Variants in SRP54 observed in about 807,000 individuals in gnomAD.
SRP54 encodes the protein signal recognition particle subunit SRP54.
Under a neutral mutation model 64.8 loss-of-function variants are expected in SRP54, and 10 were observed. That is an observed-to-expected ratio of 0.15 (90% CI 0.10 to 0.26). The LOEUF (loss-of-function observed/expected upper bound fraction) is 0.26. Among genes scored for constraint, SRP54 ranks in the 10% least tolerant of loss-of-function variants. SRP54 has a pLI of 1.00. For missense variants in SRP54, 325 were observed against 613.7 expected, an observed-to-expected ratio of 0.53 and a Z score of 4.97; for synonymous variants, 193 against 185.6, an observed-to-expected ratio of 1.04 and a Z score of -0.32.
At chr14:35,008,202 C>A (rs1034697407) in intron 5 of SRP54, among the ~76,000 whole-genome samples, 1 of 152,158 alleles carries the variant, frequency 6.6e-6, no homozygotes, top group Non-Finnish European at 1.5e-5. Flanking sequence ...TAGCCTTGAC[C>A]GCTTTATGCT....
intron 15 of SRP54, among the ~76,000 whole-genome samples, chr14:35,028,558 C>T (rs1343436765): frequency 6.6e-6 from 1 of 152,100 alleles, no homozygotes; most frequent in Non-Finnish European, 1.5e-5. Flanking sequence ...TCACTTTCCC[C>T]TTCGGTAAAA....
In SRP54 at chr14:35,007,294, T is replaced by C; in HGVS notation, c.267T>C (p.Pro89=). The C allele has an allele frequency of 6.3e-7, 1 of 1,585,686 alleles. No homozygotes were observed. The highest frequency in any genetic ancestry group is 8.6e-7 in the Non-Finnish European group (1 of 1,160,822). The change falls in exon 5 of 16, where the codon CCT becomes CCC. Residue 89 remains proline, a synonymous_variant. Coordinates refer to ENST00000216774, the MANE Select transcript of SRP54 (RefSeq NM_003136.4). ...VFKELVKLVD[P]GVKAWTPTKG... ...TTTTTGGTATTTAGCTTGTAGACCC[T>C]GGAGTTAAGGCATGGACACCCACTA...
Position 35,011,514 on chromosome 14 carries a change from C to G in SRP54, c.491C>G (p.Thr164Arg). Residue 164 changes from threonine (T) to arginine (R), a missense_variant, in exon 8 of 16, where the codon ACA (threonine) becomes AGA (arginine). By Grantham distance (71) the Thr-to-Arg change is moderately conservative (BLOSUM62 -1). Coordinates refer to ENST00000216774, the MANE Select transcript of SRP54 (RefSeq NM_003136.4). The part of the protein sequence containing the change: ...KARIPFYGSY[T>R]EMDPVIIASE... ...CATTTGTCCATGTTATATAGCTATA[C>G]AGAAATGGATCCTGTCATCATTGCT... The G allele has an allele frequency of 6.6e-7, 1 of 1,507,222 alleles. No homozygotes were observed. The highest frequency in any genetic ancestry group is 1.4e-5 in the South Asian group (1 of 71,594). The allele number at this position is 1,507,222 out of a possible 1,614,324, so 93.4% of individuals were successfully genotyped here.
chr14:34,984,820 C>T (rs2043868508), intron 1 of SRP54, among the ~76,000 whole-genome samples: 3 of 152,060 alleles, frequency 2.0e-5, no homozygotes, highest in African/African-American at 4.8e-5. Context: ...ATTCTTTAGC[C>T]TCCATCTCAT....
chr14:35,003,749 C>T (rs2044214616), intron 4 of SRP54, among the ~76,000 whole-genome samples: 1 of 149,892 alleles, frequency 6.7e-6, no homozygotes, highest in South Asian at 2.1e-4. Context: ...GCCTGAGCAA[C>T]ATGGTGAAAC....
chr14:34,997,080 A>C (rs1400580156), intron 2 of SRP54, among the ~76,000 whole-genome samples: 2 of 152,248 alleles, frequency 1.3e-5, no homozygotes, highest in East Asian at 3.9e-4. Flanking sequence ...TAAATCTGGA[A>C]CTGTACTTTT....
intron 1 of SRP54, among the ~76,000 whole-genome samples, chr14:34,992,775 C>G (rs1244466841): frequency 1.1e-4 from 16 of 152,070 alleles, no homozygotes. Context: ...CACATGTACC[C>G]TCTGAATCTA....
chr14:35,023,876 GC>G (rs1239638227), intron 14 of SRP54, among the ~76,000 whole-genome samples: 1 of 151,700 alleles, frequency 6.6e-6, no homozygotes, highest in Non-Finnish European at 1.5e-5. Context: ...CTAATGTAGT[GC>G]CACTTTTTTG....
chr14:35,017,406 T>C (rs934751119), intron 11 of SRP54, among the ~76,000 whole-genome samples: 4 of 152,232 alleles, frequency 2.6e-5, no homozygotes, highest in Non-Finnish European at 4.4e-5. Context: ...GTTTTCAGAC[T>C]CTAAGTTCTA....
At chr14:34,999,470 G>A in intron 2 of SRP54, 88 bp from the exon 3 acceptor site, 1 of 891,656 alleles carries the variant, frequency 1.1e-6, no homozygotes. Context: ...TTACTAAGCT[G>A]TGGTTATGTA....
chr14:34,994,248 C>G (rs1403109162), intron 1 of SRP54, among the ~76,000 whole-genome samples: 11 of 152,224 alleles, frequency 7.2e-5, no homozygotes, highest in Non-Finnish European at 1.5e-4. Context: ...ATCCACCCAC[C>G]TCGGCCTCCC....
At chr14:35,026,683 G>A (rs117004443) in intron 14 of SRP54, among the ~76,000 whole-genome samples, 5,047 of 152,210 alleles carry the variant, frequency 0.033, 119 homozygotes, top group Middle Eastern at 0.089. Context: ...TGTGGCCTAC[G>A]CCTGTAATCC....
At chr14:35,005,704 T>C (rs2044246353) in intron 4 of SRP54, among the ~76,000 whole-genome samples, 1 of 152,132 alleles carries the variant, frequency 6.6e-6, no homozygotes, top group South Asian at 2.1e-4. Context: ...CCAGCCTCCA[T>C]TGAAACTTTA....
intron 13 of SRP54, among the ~76,000 whole-genome samples, chr14:35,020,831 A>T (rs1254133629): frequency 6.6e-6 from 1 of 152,204 alleles, no homozygotes; most frequent in African/African-American, 2.4e-5. Flanking sequence ...TTCAGTTATT[A>T]TCTGCCTTTT....
rs1555352766 is a variant in SRP54 at position 34,988,578 on chromosome 14, A to AATAT, written c.-34+5377_-34+5380dup. Among the ~76,000 whole-genome samples, 312 of 47,004 alleles carry AATAT rather than the reference A, an allele frequency of 6.6e-3. 20 individuals carry two copies. Among genetic ancestry groups the AATAT allele is most frequent in the East Asian group, 0.025 (51 of 2,062 alleles). The allele number at this position is 47,004 out of a possible 152,430, so 30.8% of individuals were successfully genotyped here. A position where few individuals can be genotyped will look rare whatever the true frequency, so the allele number is the denominator to read the frequency against. On this transcript the variant is annotated intron_variant, in intron 1 of 15. Coordinates refer to ENST00000216774, the MANE Select transcript of SRP54 (RefSeq NM_003136.4). ...TCCATCTCAAAAAAAAAAAAAAAAA[A>AATAT]ATATATATATATATATAACATATAT...
intron 13 of SRP54, among the ~76,000 whole-genome samples, chr14:35,019,978 T>C (rs2044499585): frequency 6.6e-6 from 1 of 151,560 alleles, no homozygotes; most frequent in Admixed American, 6.6e-5. Context: ...AGGTCAGGAG[T>C]TTGACACCAG....
At chr14:35,025,275 A>G (rs2044603283) in intron 14 of SRP54, among the ~76,000 whole-genome samples, 1 of 152,224 alleles carries the variant, frequency 6.6e-6, no homozygotes, top group Non-Finnish European at 1.5e-5. Flanking sequence ...CTGAATATGA[A>G]CAATACCATT....
At chr14:34,998,612 G>A (rs891797404) in intron 2 of SRP54, among the ~76,000 whole-genome samples, 3 of 152,010 alleles carry the variant, frequency 2.0e-5, no homozygotes, top group Non-Finnish European at 4.4e-5. Flanking sequence ...AGGAGTTTGA[G>A]ACCAGCCTGG....
chr14:35,012,599 T>C (rs1407236276), intron 8 of SRP54, among the ~76,000 whole-genome samples: 1 of 152,192 alleles, frequency 6.6e-6, no homozygotes, highest in Non-Finnish European at 1.5e-5. Flanking sequence ...TTTGTACTTT[T>C]TTTGCCTAGA....
Sources: allele counts gnomAD v4.1 joint callset (sites outside exome capture counted in the v4.1 genomes callset), GRCh38; gene constraint gnomAD v4.1.1; transcripts MANE v1.5; gene names NCBI Gene and HGNC (gene_info 2026-07-23, HGNC 2026-07-21).